MYO16: variants seen among roughly 807,000 people sequenced by gnomAD.
The protein encoded by MYO16 is myosin XVI, also known as unconventional myosin-XVI.
In MYO16, 94 loss-of-function variants were observed where a neutral mutation model predicts 205.3. That is an observed-to-expected ratio of 0.46 (90% confidence interval 0.39 to 0.54). MYO16 has a LOEUF of 0.54. MYO16 is among the 20% of genes least tolerant of loss of function. The pLI is 0.00. For synonymous variants in MYO16, 988 were observed against 954.0 expected (o/e 1.04, Z -0.66); for missense variants, 2,315 against 2,387.5 (o/e 0.97, Z 0.63).
chr13:109,075,155 A>G (rs1463416335), intron 27 of MYO16, among the ~76,000 whole-genome samples: 2 of 152,170 alleles, frequency 1.3e-5, no homozygotes, highest in African/African-American at 4.8e-5. Flanking sequence ...TGAACCACTG[A>G]TGTACAAGTG....
intron 32 of MYO16, among the ~76,000 whole-genome samples, chr13:109,157,844 A>G (rs1389889336): frequency 1.3e-5 from 2 of 152,148 alleles, no homozygotes; most frequent in African/African-American, 4.8e-5. Flanking sequence ...TATACCCCTC[A>G]GGATAGATGT....
In MYO16 at chr13:109,009,021, A is replaced by G; in HGVS notation, c.2567A>G (p.Gln856Arg). 3 of 1,597,924 alleles carry G rather than the reference A, an allele frequency of 1.9e-6. No homozygotes were observed. Among genetic ancestry groups the G allele is most frequent in the Non-Finnish European group, 2.6e-6 (3 of 1,175,254 alleles). The change falls in exon 22 of 35, where the codon CAG becomes CGG. Residue 856 changes from glutamine (Q) to arginine (R), a missense_variant. Coordinates refer to ENST00000457511, the MANE Select transcript of MYO16 (RefSeq NM_001198950.3). ...TMETAYSPGN[Q>R]NGVLDFFFQK... Reference sequence around the variant, plus strand: ...GAAACAGCATATTCTCCTGGTAACCAGAATGGAGTTTTGGACTTTTTTTTC... The same window carrying G: ...GAAACAGCATATTCTCCTGGTAACCGGAATGGAGTTTTGGACTTTTTTTTC...
At chr13:108,574,927 T>C in the MYO16 span, among the ~76,000 whole-genome samples, 1 of 152,130 alleles carries the variant, frequency 6.6e-6, no homozygotes, top group Non-Finnish European at 1.5e-5. Context: ...AGTTCTAGTA[T>C]AAGGTGTACT....
the MYO16 span, among the ~76,000 whole-genome samples, chr13:108,505,669 G>T: frequency 2.0e-5 from 3 of 151,870 alleles, no homozygotes; most frequent in Non-Finnish European, 4.4e-5. Flanking sequence ...CAGATTTTTG[G>T]TTTGATGTAG....
chr13:108,516,559 CAG>C, the MYO16 span, among the ~76,000 whole-genome samples: 1 of 152,180 alleles, frequency 6.6e-6, no homozygotes, highest in African/African-American at 2.4e-5. Flanking sequence ...ATAACACACA[CAG>C]AGAAAAATGC....
chr13:108,924,879 C>T (rs1222003267), intron 16 of MYO16, among the ~76,000 whole-genome samples: 7 of 152,136 alleles, frequency 4.6e-5, no homozygotes, highest in Admixed American at 3.3e-4. Context: ...TTCATAGCAG[C>T]GAATAAATGA....
the MYO16 span, among the ~76,000 whole-genome samples, chr13:108,534,057 C>T: frequency 6.2e-4 from 95 of 152,236 alleles, no homozygotes; most frequent in East Asian, 2.7e-3. Context: ...ATAATCATTA[C>T]GCAAGAATTG....
intron 4 of MYO16, among the ~76,000 whole-genome samples, chr13:108,761,707 G>C (rs899545493): frequency 6.6e-6 from 1 of 152,290 alleles, no homozygotes; most frequent in Admixed American, 6.5e-5. Context: ...AAATCTGAGG[G>C]CTGGGATTCA....
chr13:108,636,346 CTTTTTTTTTT>C (rs71125326), intron 1 of MYO16, among the ~76,000 whole-genome samples: 181 of 81,258 alleles, frequency 2.2e-3, no homozygotes, highest in African/African-American at 4.5e-3. Context: ...AAATATTTCC[CTTTTTTTTTT>C]TTTTTTTTTT....
At chr13:108,944,012 G>A (rs1427354505) in intron 16 of MYO16, among the ~76,000 whole-genome samples, 1 of 152,228 alleles carries the variant, frequency 6.6e-6, no homozygotes, top group African/African-American at 2.4e-5. Flanking sequence ...GAACAGTTGC[G>A]TTAGCAAATC....
intron 28 of MYO16, 56 bp downstream of exon 28, chr13:109,100,943 G>C (rs937313149): frequency 1.4e-6 from 2 of 1,481,378 alleles, no homozygotes; most frequent in East Asian, 4.6e-5. Context: ...TAAATGAGCT[G>C]AGTCATTGCA....
chr13:108,521,003 T>G, the MYO16 span, among the ~76,000 whole-genome samples: 1 of 152,068 alleles, frequency 6.6e-6, no homozygotes, highest in Non-Finnish European at 1.5e-5. Flanking sequence ...CTTCCTTCCT[T>G]TCTCCCTCTT....
chr13:109,022,413 T>A (rs1439872044), intron 23 of MYO16, among the ~76,000 whole-genome samples: 15 of 111,812 alleles, frequency 1.3e-4, no homozygotes, highest in African/African-American at 2.0e-4. Flanking sequence ...ATGTATATAT[T>A]GTATATACAA....
At chr13:108,977,775 A>G (rs1884315363) in intron 20 of MYO16, among the ~76,000 whole-genome samples, 1 of 151,980 alleles carries the variant, frequency 6.6e-6, no homozygotes, top group African/African-American at 2.4e-5. Flanking sequence ...TGCTTTAATT[A>G]CTTCTCATAA....
intron 33 of MYO16, among the ~76,000 whole-genome samples, chr13:109,167,916 T>C (rs1878753636): frequency 6.6e-6 from 1 of 152,018 alleles, no homozygotes; most frequent in Admixed American, 6.6e-5. Context: ...AATTAAACAC[T>C]GACAGACTCA....
At chr13:108,860,417 G>T (rs1878397118) in intron 11 of MYO16, among the ~76,000 whole-genome samples, 1 of 152,098 alleles carries the variant, frequency 6.6e-6, no homozygotes, top group Non-Finnish European at 1.5e-5. Context: ...TCATTTATGG[G>T]CATTGAAATT....
intron 10 of MYO16, among the ~76,000 whole-genome samples, chr13:108,849,813 T>C (rs145550055): frequency 6.7e-6 from 1 of 150,160 alleles, no homozygotes; most frequent in African/African-American, 2.5e-5. Flanking sequence ...TCCTCTTTTT[T>C]TGTGTGTGTA....
the MYO16 span, among the ~76,000 whole-genome samples, chr13:108,556,301 T>C: frequency 6.6e-6 from 1 of 152,132 alleles, no homozygotes; most frequent in Non-Finnish European, 1.5e-5. Context: ...CTTGCAACAC[T>C]TTGTCACTCT....
intron 17 of MYO16, among the ~76,000 whole-genome samples, chr13:108,960,231 C>T (rs1270656796): frequency 6.8e-6 from 1 of 147,308 alleles, no homozygotes; most frequent in African/African-American, 2.5e-5. Context: ...GTTATGATTG[C>T]GCCACTACAC....
Sources: gnomAD v4.1 joint callset for allele counts (sites outside exome capture counted in the v4.1 genomes callset) on GRCh38, gnomAD v4.1.1 for gene constraint, MANE v1.5 for transcripts, NCBI Gene and HGNC (gene_info 2026-07-23, HGNC 2026-07-21) for gene names.